Variants in NAALADL2 observed in about 807,000 individuals in gnomAD.
NAALADL2 encodes N-acetylated alpha-linked acidic dipeptidase like 2.
NAALADL2 carries 76 observed loss-of-function variants against 87.2 expected under a neutral mutation model. The observed-to-expected ratio is 0.87, with a 90% confidence interval of 0.72 to 1.05. NAALADL2 has a LOEUF of 1.05. Among genes scored for constraint, NAALADL2 ranks in the 50% least tolerant of loss-of-function variants. NAALADL2 has a pLI of 0.00. For missense variants in NAALADL2, 1,089 were observed against 945.8 expected (o/e 1.15, Z -1.99); for synonymous variants, 354 against 331.0 (o/e 1.07, Z -0.75).
intron 13 of NAALADL2, among the ~76,000 whole-genome samples, chr3:175,792,039 A>AT (rs1752852616): frequency 1.3e-5 from 2 of 152,144 alleles, no homozygotes; most frequent in Non-Finnish European, 2.9e-5. Flanking sequence ...AATAAATGGT[A>AT]CTTTGAAATG....
chr3:175,506,523 G>A (rs1039810272), intron 9 of NAALADL2, among the ~76,000 whole-genome samples: 1 of 152,110 alleles, frequency 6.6e-6, no homozygotes, highest in African/African-American at 2.4e-5. Flanking sequence ...ATCATATTCA[G>A]ATATAGGTTG....
chr3:175,501,627 AG>A (rs2149369648), intron 9 of NAALADL2, among the ~76,000 whole-genome samples: 1 of 152,218 alleles, frequency 6.6e-6, no homozygotes, highest in African/African-American at 2.4e-5. Flanking sequence ...TAGTGATTGA[AG>A]GTCTGATAAA....
intron 2 of NAALADL2, among the ~76,000 whole-genome samples, chr3:174,720,056 T>A (rs1409513387): frequency 6.6e-6 from 1 of 152,172 alleles, no homozygotes; most frequent in Non-Finnish European, 1.5e-5. Context: ...TGCCTTGGCC[T>A]CCTGAAGTGC....
At chr3:175,036,804 C>CTTTT (rs10662446) in intron 1 of NAALADL2, among the ~76,000 whole-genome samples, 7,115 of 117,186 alleles carry the variant, frequency 0.061, 280 homozygotes, top group Middle Eastern at 0.1. Flanking sequence ...TCCATCTGTT[C>CTTTT]TTTTTTTTTT....
At chr3:174,514,709 T>A (rs1029944641) in intron 1 of NAALADL2, among the ~76,000 whole-genome samples, 9 of 152,122 alleles carry the variant, frequency 5.9e-5, no homozygotes, top group African/African-American at 1.7e-4. Flanking sequence ...ATTTTATAAA[T>A]TTTTTTCTAT....
intron 2 of NAALADL2, among the ~76,000 whole-genome samples, chr3:175,176,579 G>A (rs773531599): frequency 1.4e-4 from 21 of 152,084 alleles, no homozygotes; most frequent in Non-Finnish European, 2.6e-4. Flanking sequence ...TTTTGAAAAG[G>A]GGAGATTGTT....
chr3:174,522,887 T>C (rs9871218), intron 1 of NAALADL2, among the ~76,000 whole-genome samples: 32,726 of 136,098 alleles, frequency 0.24, 3,820 homozygotes, highest in Middle Eastern at 0.4. Context: ...TGAGCCGAGA[T>C]CTCGCCACTG....
chr3:175,247,864 T>G (rs147250877), intron 3 of NAALADL2, among the ~76,000 whole-genome samples: 129 of 152,214 alleles, frequency 8.5e-4, no homozygotes, highest in African/African-American at 3.0e-3. Flanking sequence ...ATGCAAGAAT[T>G]TTGACTTTTA....
chr3:175,405,816 TA>T (rs1712243042), intron 5 of NAALADL2, among the ~76,000 whole-genome samples: 1 of 152,236 alleles, frequency 6.6e-6, no homozygotes, highest in Non-Finnish European at 1.5e-5. Context: ...TACTATGCTG[TA>T]ATTAACTTCG....
intron 10 of NAALADL2, among the ~76,000 whole-genome samples, chr3:175,605,421 C>T (rs758636319): frequency 1.3e-5 from 2 of 151,872 alleles, no homozygotes; most frequent in African/African-American, 2.4e-5. Flanking sequence ...AGTAGGGAAA[C>T]TCTTATGGGG....
chr3:174,688,645 C>T (rs1728270642), intron 2 of NAALADL2, among the ~76,000 whole-genome samples: 1 of 151,940 alleles, frequency 6.6e-6, no homozygotes, highest in Non-Finnish European at 1.5e-5. Context: ...AGACAGTTTA[C>T]CTTTCTGTGG....
intron 3 of NAALADL2, among the ~76,000 whole-genome samples, chr3:174,779,242 T>G (rs965516507): frequency 3.3e-5 from 5 of 152,180 alleles, no homozygotes; most frequent in African/African-American, 1.2e-4. Context: ...ATGATGAGCT[T>G]TTTTTCATAT....
chr3:175,044,023 C>T (rs182275325), intron 1 of NAALADL2, among the ~76,000 whole-genome samples: 35 of 152,122 alleles, frequency 2.3e-4, no homozygotes, highest in African/African-American at 7.7e-4. Flanking sequence ...GATATCTTTT[C>T]ATTTATTTAT....
intron 4 of NAALADL2, among the ~76,000 whole-genome samples, chr3:175,303,003 T>A (rs1757278813): frequency 6.6e-6 from 1 of 152,068 alleles, no homozygotes; most frequent in Admixed American, 6.6e-5. Context: ...ACATTGATAA[T>A]AAAAGACATT....
chr3:175,283,328 T>G (rs551992337), intron 4 of NAALADL2, among the ~76,000 whole-genome samples: 1 of 152,214 alleles, frequency 6.6e-6, no homozygotes, highest in South Asian at 2.1e-4. Context: ...TTTTCTACCT[T>G]CAGGATACCA....
intron 3 of NAALADL2, among the ~76,000 whole-genome samples, chr3:175,248,074 T>G (rs891844492): frequency 6.6e-6 from 1 of 152,198 alleles, no homozygotes; most frequent in African/African-American, 2.4e-5. Context: ...TCTACTGCCT[T>G]CTCTAGTATA....
At chr3:174,713,244 A>C (rs1730852871) in intron 2 of NAALADL2, among the ~76,000 whole-genome samples, 1 of 152,188 alleles carries the variant, frequency 6.6e-6, no homozygotes, top group Non-Finnish European at 1.5e-5. Flanking sequence ...TGCTATTGTG[A>C]ATATTGCCAC....
chr3:174,526,077 A>T (rs1720718958), intron 1 of NAALADL2, among the ~76,000 whole-genome samples: 1 of 152,182 alleles, frequency 6.6e-6, no homozygotes, highest in Non-Finnish European at 1.5e-5. Flanking sequence ...GGATTTACTG[A>T]CTTACAGCAT....
chr3:174,949,954 G>T (rs1740067270), intron 1 of NAALADL2, among the ~76,000 whole-genome samples: 2 of 152,086 alleles, frequency 1.3e-5, no homozygotes, highest in South Asian at 2.1e-4. Flanking sequence ...GTTATCCATT[G>T]TCTATTTGCA....
Sources: allele counts gnomAD v4.1 joint callset (sites outside exome capture counted in the v4.1 genomes callset), GRCh38; gene constraint gnomAD v4.1.1; transcripts MANE v1.5; gene names NCBI Gene and HGNC (gene_info 2026-07-23, HGNC 2026-07-21).